CACNG2: variants seen among roughly 807,000 people sequenced by gnomAD.
CACNG2 encodes calcium voltage-gated channel auxiliary subunit gamma 2.
A neutral mutation model predicts 25.9 loss-of-function variants in CACNG2; 3 were observed. The ratio of observed to expected loss-of-function variants is 0.12; its 90% CI spans 0.05 to 0.30. The LOEUF is 0.30. CACNG2 is among the 10% of genes least tolerant of loss of function. CACNG2 has a pLI of 1.00. For synonymous variants in CACNG2, 167 were observed against 173.3 expected (o/e 0.96, Z 0.29); for missense variants, 341 against 432.5 (o/e 0.79, Z 1.88).
chr22:36,591,815 C>A (rs1043043688), intron 1 of CACNG2, among the ~76,000 whole-genome samples: 1 of 152,064 alleles, frequency 6.6e-6, no homozygotes. Context: ...CCAGGAGGGA[C>A]AGCAGAGCTC....
chr22:36,673,266 T>A (rs987713640), intron 1 of CACNG2, among the ~76,000 whole-genome samples: 1 of 151,740 alleles, frequency 6.6e-6, no homozygotes, highest in Non-Finnish European at 1.5e-5. Context: ...ACTGAAGGAA[T>A]GAATCTCCCA....
intron 1 of CACNG2, among the ~76,000 whole-genome samples, chr22:36,627,439 G>A (rs984817185): frequency 2.6e-5 from 4 of 151,970 alleles, no homozygotes; most frequent in African/African-American, 4.8e-5. Flanking sequence ...GCATGCTCAC[G>A]GTAACACATA....
chr22:36,664,932 G>T (rs973233035), intron 1 of CACNG2, among the ~76,000 whole-genome samples: 2 of 152,188 alleles, frequency 1.3e-5, no homozygotes, highest in Non-Finnish European at 2.9e-5. Context: ...ACGAGGGGGT[G>T]CCTGGTGGAT....
rs535338710 is a variant in CACNG2, at chr22:36,668,149, C to T, written c.211+34217G>A. On this transcript the variant is annotated intron_variant, in intron 1 of 3. Coordinates refer to ENST00000300105, the MANE Select transcript of CACNG2 (RefSeq NM_006078.5). Reference sequence around the variant, plus strand: ...CATCCTGATGCCTCTGCCGGGCTCTCGGCTCCTCTCTCCCTCCTTATCCTT... The same window carrying T: ...CATCCTGATGCCTCTGCCGGGCTCTTGGCTCCTCTCTCCCTCCTTATCCTT... Among the ~76,000 whole-genome samples the T allele has an allele frequency of 4.6e-5, 7 of 152,312 alleles. No individual in the cohort carries two copies. In the South Asian group the frequency reaches 1.5e-3, roughly 32 times the overall value.
At chr22:36,692,479 A>G (rs535232582) in intron 1 of CACNG2, among the ~76,000 whole-genome samples, 25 of 152,324 alleles carry the variant, frequency 1.6e-4, no homozygotes, top group Non-Finnish European at 3.1e-4. Flanking sequence ...CTTTTATGGC[A>G]AAGCTGGGGC....
At chr22:36,624,569 T>G (rs903651294) in intron 1 of CACNG2, among the ~76,000 whole-genome samples, 2 of 152,124 alleles carry the variant, frequency 1.3e-5, no homozygotes, top group Non-Finnish European at 2.9e-5. Flanking sequence ...CTCCTTTCTT[T>G]CCTGTTTCTG....
chr22:36,613,187 T>TGTGTGTGTGTGTGC (rs1935972546), intron 1 of CACNG2, among the ~76,000 whole-genome samples: 1 of 152,044 alleles, frequency 6.6e-6, no homozygotes, highest in African/African-American at 2.4e-5. Flanking sequence ...TGTGTGTGTG[T>TGTGTGTGTGTGTGC]GTGCATGTGT....
intron 1 of CACNG2, among the ~76,000 whole-genome samples, chr22:36,595,439 AC>A (rs1489535065): frequency 4.6e-5 from 7 of 152,172 alleles, no homozygotes; most frequent in African/African-American, 1.7e-4. Flanking sequence ...AATGCTACAA[AC>A]CAAGTTCCCC....
intron 1 of CACNG2, among the ~76,000 whole-genome samples, chr22:36,649,674 T>G (rs1936578506): frequency 6.6e-6 from 1 of 152,204 alleles, no homozygotes; most frequent in Admixed American, 6.5e-5. Context: ...TTCCCACGTG[T>G]CTTGGGAAGG....
intron 1 of CACNG2, among the ~76,000 whole-genome samples, chr22:36,627,004 C>T (rs1569033821): frequency 6.6e-6 from 1 of 152,220 alleles, no homozygotes; most frequent in Non-Finnish European, 1.5e-5. Flanking sequence ...GCCAGGGCCA[C>T]ACAGATAGGA....
intron 1 of CACNG2, among the ~76,000 whole-genome samples, 158 bp from the exon 2 acceptor site, chr22:36,587,706 C>G (rs553390568): frequency 6.6e-6 from 1 of 152,352 alleles, no homozygotes; most frequent in African/African-American, 2.4e-5. Context: ...GGACATCTGC[C>G]TGGTGAATCA....
intron 1 of CACNG2, among the ~76,000 whole-genome samples, chr22:36,629,921 G>C (rs186603737): frequency 6.6e-6 from 1 of 152,190 alleles, no homozygotes; most frequent in South Asian, 2.1e-4. Flanking sequence ...AATGTGATGC[G>C]AGGGCATGGG....
chr22:36,571,013 C>A lies in CACNG2; in HGVS notation c.296-4520G>T, dbSNP rs150404552. On this transcript the variant is annotated intron_variant, in intron 2 of 3. Coordinates refer to ENST00000300105, the MANE Select transcript of CACNG2 (RefSeq NM_006078.5). ...GCTTTGTCAGTTATCAACAGTGTGA[C>A]CCTTGGGCAAGGGTCATTACTGCTC... is the stretch of plus-strand genomic sequence containing the variant. 3.5e-3 allele frequency among the ~76,000 whole-genome samples: 538 copies of A among 152,226 alleles called. 4 individuals carry two copies. The highest frequency in any genetic ancestry group is 0.012 in the African/African-American group (502 of 41,534).
chr22:36,667,704 A>G (rs1219431961), intron 1 of CACNG2, among the ~76,000 whole-genome samples: 2 of 152,276 alleles, frequency 1.3e-5, no homozygotes, highest in African/African-American at 4.8e-5. Context: ...AGGGAAAGCT[A>G]CATTTCGCCT....
intron 1 of CACNG2, among the ~76,000 whole-genome samples, chr22:36,611,392 C>T (rs534694462): frequency 2.0e-5 from 3 of 152,162 alleles, no homozygotes; most frequent in Admixed American, 2.0e-4. Flanking sequence ...GGCTATGACC[C>T]CAGGTCAGGT....
chr22:36,702,786 C>A lies in CACNG2; in HGVS notation c.-210G>T. 2.0e-6 allele frequency: 1 copy of A among 493,922 alleles called. No individual in the cohort carries two copies. The highest frequency in any genetic ancestry group is 3.1e-5 in the South Asian group (1 of 31,866). 30.6% of individuals were successfully genotyped at this position (493,922 alleles called of 1,614,324 possible). A position where few individuals can be genotyped will look rare whatever the true frequency, so the allele number is the denominator to read the frequency against. ...AAAAGAGTGTAAATTATAAAGATCA[C>A]ACGGGAAGAGGCTTGCCTTTTGAGA... On this transcript the variant is annotated 5_prime_UTR_variant, in exon 1 of 4. Coordinates refer to ENST00000300105, the MANE Select transcript of CACNG2 (RefSeq NM_006078.5).
chr22:36,680,739 C>T (rs1396853869), intron 1 of CACNG2, among the ~76,000 whole-genome samples: 1 of 146,856 alleles, frequency 6.8e-6, no homozygotes, highest in South Asian at 2.3e-4. Context: ...ATCACCATCA[C>T]CACCACCACT....
chr22:36,656,119 T>C (rs1936702981), intron 1 of CACNG2, among the ~76,000 whole-genome samples: 1 of 152,160 alleles, frequency 6.6e-6, no homozygotes. Flanking sequence ...ACTTAAGATT[T>C]TCAAATATCT....
chr22:36,663,624 G>T (rs997181565), intron 1 of CACNG2, among the ~76,000 whole-genome samples: 1 of 152,098 alleles, frequency 6.6e-6, no homozygotes. Context: ...TTAATGCGTC[G>T]CGAGGGGGCC....
Sources: gnomAD v4.1 joint callset for allele counts (sites outside exome capture counted in the v4.1 genomes callset) on GRCh38, gnomAD v4.1.1 for gene constraint, MANE v1.5 for transcripts, NCBI Gene and HGNC (gene_info 2026-07-23, HGNC 2026-07-21) for gene names.